Variants in TUT4 observed in about 807,000 individuals in gnomAD.
TUT4 encodes terminal uridylyl transferase 4.
A neutral mutation model predicts 192.2 loss-of-function variants in TUT4; 36 were observed. The ratio of observed to expected loss-of-function variants is 0.19; its 90% CI spans 0.14 to 0.25. The LOEUF is 0.25. TUT4 is among the 10% of genes least tolerant of loss of function. The pLI, the probability that TUT4 is intolerant of heterozygous loss-of-function variation, is 1.00. For synonymous variants in TUT4, 618 were observed against 666.0 expected (o/e 0.93, Z 1.11); for missense variants, 1,493 against 1,957.2 (o/e 0.76, Z 4.47).
chr1:52,479,272 C>T (rs1334715322), intron 11 of TUT4, among the ~76,000 whole-genome samples: 1 of 152,120 alleles, frequency 6.6e-6, no homozygotes, highest in Admixed American at 6.5e-5. Flanking sequence ...TGAGGAACAA[C>T]TGAAGCATTT....
At chr1:52,524,895 T>A (rs1032533324) in intron 2 of TUT4, among the ~76,000 whole-genome samples, 11 of 152,224 alleles carry the variant, frequency 7.2e-5, no homozygotes, top group Admixed American at 6.5e-4. Context: ...AAGGCCCTGA[T>A]ATTCCTGTGT....
rs1666779119 is a variant in TUT4 at position 52,475,202 on chromosome 1, T to C, written c.2357A>G (p.Asn786Ser). Residue 786 changes from asparagine (N) to serine (S), a missense_variant, in exon 13 of 30, where the codon AAT becomes AGT. By Grantham distance (46) the Asn-to-Ser change is conservative (BLOSUM62 1). Transcript: ENST00000257177. ...TCCGTGGTCAGCAAAATCTAGTTCA[T>C]TTACCAACAAATTGTTGTTGTCAAT... Reference protein sequence around the residue: ...CIIDNNNLLVNELDFADHGQD... With the variant: ...CIIDNNNLLVSELDFADHGQD... The C allele has an allele frequency of 6.2e-7, 1 of 1,614,190 alleles. No individual in the cohort carries two copies. Among genetic ancestry groups the C allele is most frequent in the Non-Finnish European group, 8.5e-7 (1 of 1,180,032 alleles).
At chr1:52,527,690 G>GA (rs1479768463) in intron 1 of TUT4, among the ~76,000 whole-genome samples, 12 of 152,052 alleles carry the variant, frequency 7.9e-5, no homozygotes, top group African/African-American at 2.9e-4. Flanking sequence ...TACCAAGAAT[G>GA]AACCCTAAAG....
In TUT4 at chr1:52,431,468, CAA is replaced by C. The variant is rs753559849; in HGVS notation, c.4264-10_4264-9del. 6 of 1,414,038 alleles carry C rather than the reference CAA, an allele frequency of 4.2e-6. No individual in the cohort carries two copies. The highest frequency in any genetic ancestry group is 3.2e-5 in the South Asian group (2 of 62,424). The allele number at this position is 1,414,038 out of a possible 1,614,324, so 87.6% of individuals were successfully genotyped here. A position where few individuals can be genotyped will look rare whatever the true frequency, so the allele number is the denominator to read the frequency against. ...ATAAGATGGTGATTCAGACTGCAGA[CAA>C]AAAAAAAATTTTTTTTAATTAATTT... On this transcript the variant is annotated splice_polypyrimidine_tract_variant and intron_variant, in intron 27 of 29. Coordinates refer to ENST00000257177, the MANE Select transcript of TUT4 (RefSeq NM_001009881.3).
chr1:52,445,607 A>G (rs1657311026), intron 24 of TUT4, among the ~76,000 whole-genome samples, 180 bp downstream of exon 24: 1 of 152,224 alleles, frequency 6.6e-6, no homozygotes, highest in Non-Finnish European at 1.5e-5. Flanking sequence ...AAATAGTTTA[A>G]ACAAATAAAA....
chr1:52,424,320 T>G lies in TUT4; in HGVS notation c.4871-318A>C, dbSNP rs1470970822. 6 of 316,454 alleles carry G rather than the reference T, an allele frequency of 1.9e-5. No individual in the cohort carries two copies. The Admixed American group carries it at 2.3e-4, about 12-fold the overall frequency. The allele number at this position is 316,454 out of a possible 1,614,324, so 19.6% of individuals were successfully genotyped here. A position where few individuals can be genotyped will look rare whatever the true frequency, so the allele number is the denominator to read the frequency against. ...ACTTCCTTCAGCCCCAGTTCTTTGC[T>G]CAAGAGAAGAGCTCAACCACAGTCA... On this transcript the variant is annotated intron_variant, in intron 29 of 29. Coordinates refer to ENST00000257177, the MANE Select transcript of TUT4 (RefSeq NM_001009881.3).
At chr1:52,500,728 C>A (rs1432620405) in intron 4 of TUT4, among the ~76,000 whole-genome samples, 8 of 152,070 alleles carry the variant, frequency 5.3e-5, no homozygotes, top group Non-Finnish European at 1.0e-4. Context: ...TGCCATTGCA[C>A]TCCAGCCTGG....
intron 9 of TUT4, among the ~76,000 whole-genome samples, chr1:52,488,638 G>A (rs1354985155): frequency 6.6e-6 from 1 of 152,166 alleles, no homozygotes; most frequent in Non-Finnish European, 1.5e-5. Context: ...ATGCTGATAT[G>A]AAAGAGAACA....
chr1:52,519,697 C>CG, intron 2 of TUT4, among the ~76,000 whole-genome samples: 1 of 151,952 alleles, frequency 6.6e-6, no homozygotes, highest in South Asian at 2.1e-4. Context: ...TTAGTAGAGA[C>CG]GGGGTTTCGC....
rs1270865040 is a variant in TUT4 at position 52,527,596 on chromosome 1, CAAAAGT to C, written c.-93-1229_-93-1224del. On this transcript the variant is annotated intron_variant, in intron 1 of 29. Transcript: ENST00000257177. ...AGGAACTTAAGAGTTTAAAAAAAAA[CAAAAGT>C]AATAGTAATAATCTCTATGACACTA... is the stretch of plus-strand genomic sequence containing the variant. Among the ~76,000 whole-genome samples the C allele has an allele frequency of 3.3e-5, 5 of 151,818 alleles. No individual in the cohort carries two copies. The East Asian group carries it at 9.7e-4, about 29-fold the overall frequency.
chr1:52,498,490 C>G (rs1446448864), intron 4 of TUT4, among the ~76,000 whole-genome samples: 1 of 152,010 alleles, frequency 6.6e-6, no homozygotes, highest in Non-Finnish European at 1.5e-5. Flanking sequence ...GTGGTCCACC[C>G]ACCTCGGCCT....
chr1:52,535,080 T>TTCATCTTGTTGCATAG (rs1216621652), intron 1 of TUT4: 7 of 152,204 alleles, frequency 4.6e-5, no homozygotes, highest in Admixed American at 1.3e-4. Flanking sequence ...TATCTCCTCA[T>TTCATCTTGTTGCATAG]TCATCTTGTT....
At chr1:52,510,508 C>T (rs1432058302) in intron 3 of TUT4, among the ~76,000 whole-genome samples, 2 of 151,938 alleles carry the variant, frequency 1.3e-5, no homozygotes, top group South Asian at 2.1e-4. Flanking sequence ...AAGTTGAGTT[C>T]GAAAAACACT....
chr1:52,452,899 G>T (rs1037491580), intron 20 of TUT4, among the ~76,000 whole-genome samples: 1 of 152,142 alleles, frequency 6.6e-6, no homozygotes, highest in Non-Finnish European at 1.5e-5. Context: ...GTCTAAACTG[G>T]GGATAGTCTT....
At chr1:52,447,469 CAAAAA>C (rs1308778689) in intron 20 of TUT4, among the ~76,000 whole-genome samples, 30 of 132,356 alleles carry the variant, frequency 2.3e-4, no homozygotes, top group African/African-American at 8.4e-4. Flanking sequence ...AACAAAAAAA[CAAAAA>C]AACAAAAAAA....
intron 1 of TUT4, among the ~76,000 whole-genome samples, chr1:52,541,807 C>G (rs1441487349): frequency 6.6e-6 from 1 of 152,080 alleles, no homozygotes; most frequent in Non-Finnish European, 1.5e-5. Context: ...ATGACAACTC[C>G]TCAAAAAATT....
intron 15 of TUT4, among the ~76,000 whole-genome samples, chr1:52,467,466 A>G (rs1664535866): frequency 6.6e-6 from 1 of 152,020 alleles, no homozygotes; most frequent in Non-Finnish European, 1.5e-5. Context: ...AGCAAATCCT[A>G]TTGGTTCTAC....
At chr1:52,493,690 A>G in intron 6 of TUT4, 28 bp from the exon 7 acceptor site, 1 of 1,408,830 alleles carries the variant, frequency 7.1e-7, no homozygotes, top group South Asian at 1.3e-5. Flanking sequence ...ATAAATCGAT[A>G]TACTAATTTC....
At chr1:52,460,996 G>T in intron 19 of TUT4, 138 bp downstream of exon 19, 1 of 572,216 alleles carries the variant, frequency 1.7e-6, no homozygotes, top group African/African-American at 1.8e-5. Flanking sequence ...ATCTATTCAA[G>T]CTATATAATA....
Sources: allele counts gnomAD v4.1 joint callset (sites outside exome capture counted in the v4.1 genomes callset), GRCh38; gene constraint gnomAD v4.1.1; transcripts MANE v1.5; gene names NCBI Gene and HGNC (gene_info 2026-07-23, HGNC 2026-07-21).